Variants in FRMD7 observed in about 807,000 individuals in gnomAD.
FRMD7 encodes the protein FERM domain-containing protein 7.
FRMD7 carries 14 observed loss-of-function variants against 44.1 expected under a neutral mutation model. That is an observed-to-expected ratio of 0.32 (90% CI 0.21 to 0.50). The LOEUF is 0.50. Among genes scored for constraint, FRMD7 ranks in the 20% least tolerant of loss-of-function variants. The pLI is 0.99. For missense variants in FRMD7, 501 were observed against 522.3 expected (o/e 0.96, Z 0.40); for synonymous variants, 212 against 187.4 (o/e 1.13, Z -1.07).
intron 5 of FRMD7, among the ~76,000 whole-genome samples, chrX:132,087,314 T>C (rs1166518235): frequency 9.0e-6 from 1 of 111,241 alleles, no homozygotes; most frequent in Non-Finnish European, 1.9e-5. Flanking sequence ...GTAAATAGAC[T>C]CTCCATGGAA....
intron 8 of FRMD7, 77 bp from the exon 9 acceptor site, chrX:132,082,603 C>G: frequency 1.1e-6 from 1 of 946,299 alleles, no homozygotes; most frequent in Non-Finnish European, 1.5e-6. Context: ...GCCTTCCAAA[C>G]TATTGCTCCG....
intron 1 of FRMD7, among the ~76,000 whole-genome samples, chrX:132,114,859 C>T (rs942535521): frequency 2.7e-5 from 3 of 112,416 alleles, no homozygotes; most frequent in African/African-American, 9.7e-5. Flanking sequence ...CCTGTTATTT[C>T]ACTCTTCTTT....
chrX:132,090,069 G>A (rs1399544177), intron 5 of FRMD7, among the ~76,000 whole-genome samples: 1 of 111,851 alleles, frequency 8.9e-6, no homozygotes, highest in African/African-American at 3.3e-5. Context: ...AAATGTCCAC[G>A]ACCAGGTGAA....
chrX:132,088,034 A>C (rs1177556370), intron 5 of FRMD7, among the ~76,000 whole-genome samples: 1 of 112,429 alleles, frequency 8.9e-6, no homozygotes, highest in Non-Finnish European at 1.9e-5. Flanking sequence ...AAACAAAACA[A>C]AACACTTAAC....
chrX:132,101,564 C>T (rs1397324109), intron 1 of FRMD7, among the ~76,000 whole-genome samples: 1 of 112,014 alleles, frequency 8.9e-6, no homozygotes, highest in Non-Finnish European at 1.9e-5. Flanking sequence ...TGTTACTCAC[C>T]AGTTCTAATT....
chrX:132,127,852 G>A lies in FRMD7; in HGVS notation c.-8C>T, dbSNP rs368461370. ...CACTTTTAAATGTAGCATTCTCAGC[G>A]AGGCCGTTGGGCTGCAAGCAGGCTC... On this transcript the variant is annotated 5_prime_UTR_variant, in exon 1 of 12. Coordinates refer to ENST00000298542, the MANE Select transcript of FRMD7 (RefSeq NM_194277.3). The A allele has an allele frequency of 5.0e-6, 6 of 1,200,150 alleles. No homozygotes were observed. The highest frequency in any genetic ancestry group is 3.5e-5 in the African/African-American group (2 of 57,032).
intron 1 of FRMD7, among the ~76,000 whole-genome samples, chrX:132,121,147 G>A (rs750340790): frequency 3.6e-5 from 4 of 111,610 alleles, no homozygotes; most frequent in African/African-American, 6.5e-5. Context: ...GTATCTGCTA[G>A]AGGATACATC....
intron 1 of FRMD7, among the ~76,000 whole-genome samples, chrX:132,123,454 C>A (rs1929084207): frequency 8.9e-6 from 1 of 112,050 alleles, no homozygotes; most frequent in African/African-American, 3.2e-5. Flanking sequence ...AAAGCAATTT[C>A]ATATCATTGA....
intron 1 of FRMD7, among the ~76,000 whole-genome samples, chrX:132,107,739 A>G (rs181861214): frequency 9.0e-6 from 1 of 111,314 alleles, no homozygotes; most frequent in African/African-American, 3.3e-5. Context: ...CTATCTAAAT[A>G]AAGTCACACT....
intron 8 of FRMD7, among the ~76,000 whole-genome samples, chrX:132,083,159 T>C (rs1036452891): frequency 1.3e-4 from 14 of 111,640 alleles, no homozygotes; most frequent in Non-Finnish European, 3.8e-5. Context: ...TCTTGCTATG[T>C]TGCCCAGGTT....
chrX:132,085,345 C>T (rs1272612375), intron 7 of FRMD7, among the ~76,000 whole-genome samples: 2 of 111,961 alleles, frequency 1.8e-5, no homozygotes, highest in Non-Finnish European at 1.9e-5. Context: ...AGTCTCACTC[C>T]CACCACTGTC....
Position 132,116,374 on chromosome X carries a change from C to T in FRMD7, c.57+11414G>A, listed in dbSNP as rs1410284970. 3.6e-5 allele frequency among the ~76,000 whole-genome samples: 4 copies of T among 111,665 alleles called. 1 individual carries two copies. The highest frequency in any genetic ancestry group is 2.9e-4 in the Admixed American group (3 of 10,493). On this transcript the variant is annotated intron_variant, in intron 1 of 11. Transcript: ENST00000298542. ...CTGGCCTCATGATTCTCAGATGCCA[C>T]GTATTTTTCTAACCTTGTCCATTTC...
At chrX:132,099,342 G>T in intron 3 of FRMD7, 126 bp downstream of exon 3, 1 of 544,444 alleles carries the variant, frequency 1.8e-6, no homozygotes, top group South Asian at 2.5e-5. Context: ...ATGTATGAAG[G>T]GTTGAAATAA....
At chrX:132,123,823 GT>G (rs1929092481) in intron 1 of FRMD7, among the ~76,000 whole-genome samples, 1 of 112,500 alleles carries the variant, frequency 8.9e-6, no homozygotes, top group African/African-American at 3.2e-5. Flanking sequence ...AAGTAGAGAT[GT>G]TTTAACATCT....
intron 1 of FRMD7, among the ~76,000 whole-genome samples, chrX:132,126,115 C>T (rs1929151180): frequency 9.0e-6 from 1 of 110,936 alleles, no homozygotes; most frequent in African/African-American, 3.3e-5. Flanking sequence ...TCATCATCAT[C>T]ATCATCAATC....
chrX:132,096,169 G>C (rs1928327356), intron 4 of FRMD7, among the ~76,000 whole-genome samples: 1 of 111,726 alleles, frequency 9.0e-6, no homozygotes, highest in South Asian at 3.7e-4. Context: ...AATGTGGAGA[G>C]AGAATTAGGA....
chrX:132,090,830 TAA>T (rs1266014521), intron 5 of FRMD7, among the ~76,000 whole-genome samples: 2 of 111,298 alleles, frequency 1.8e-5, no homozygotes, highest in Non-Finnish European at 3.8e-5. Flanking sequence ...CAAAAGCACA[TAA>T]GACTGTGCTT....
chrX:132,107,882 C>T (rs1041109304), intron 1 of FRMD7, among the ~76,000 whole-genome samples: 4 of 111,467 alleles, frequency 3.6e-5, no homozygotes, highest in Admixed American at 9.6e-5. Context: ...CACTAAATTC[C>T]CTCTCAAATA....
chrX:132,104,394 A>G (rs1928589156), intron 1 of FRMD7, among the ~76,000 whole-genome samples: 1 of 111,595 alleles, frequency 9.0e-6, no homozygotes, highest in African/African-American at 3.3e-5. Context: ...TCCCTCTTTA[A>G]AACATTGGCA....
Sources: gnomAD v4.1 joint callset for allele counts (sites outside exome capture counted in the v4.1 genomes callset) on GRCh38, gnomAD v4.1.1 for gene constraint, MANE v1.5 for transcripts, NCBI Gene and HGNC (gene_info 2026-07-23, HGNC 2026-07-21) for gene names.